Variants in TPP1 observed in about 807,000 individuals in gnomAD.
TPP1 encodes the protein tripeptidyl-peptidase 1.
TPP1 carries 43 observed loss-of-function variants against 67.6 expected under a neutral mutation model. That is an observed-to-expected ratio of 0.64 (90% CI 0.50 to 0.82). TPP1 has a LOEUF of 0.82. TPP1 is among the 40% of genes least tolerant of loss of function. The probability of loss-of-function intolerance (pLI) is 0.00; values close to 1 mark genes in which losing one functional copy is unlikely to be tolerated. For synonymous variants in TPP1, 272 were observed against 281.5 expected, an observed-to-expected ratio of 0.97 and a Z score of 0.34; for missense variants, 671 against 710.9, an observed-to-expected ratio of 0.94 and a Z score of 0.64.
chr11:6,615,740 A>G (rs914379464), intron 9 of TPP1, 178 bp from the exon 10 acceptor site: 45 of 861,390 alleles, frequency 5.2e-5, no homozygotes, highest in Non-Finnish European at 7.1e-5. Flanking sequence ...GTGACTGTGC[A>G]CACTTTTCTC....
rs146608296 is a variant in TPP1 at position 6,618,221 on chromosome 11, C to T, written c.230-445G>A. 2.4e-3 allele frequency: 800 copies of T among 337,634 alleles called. 4 individuals carry two copies. The highest frequency in any genetic ancestry group is 0.016 in the African/African-American group (737 of 46,792). 20.9% of individuals were successfully genotyped at this position (337,634 alleles called of 1,614,324 possible). A position where few individuals can be genotyped will look rare whatever the true frequency, so the allele number is the denominator to read the frequency against. ...TGCCATGCACACTAGTGTCACACTG[C>T]CCCGTCCCCAGCCTCTGCAGTTCAC... On this transcript the variant is annotated intron_variant, in intron 3 of 12. Coordinates refer to ENST00000299427, the MANE Select transcript of TPP1 (RefSeq NM_000391.4).
At chr11:6,617,811 C>G in intron 3 of TPP1, 35 bp from the exon 4 acceptor site, 1 of 1,613,984 alleles carries the variant, frequency 6.2e-7, no homozygotes, top group South Asian at 1.1e-5. Context: ...TGCCCTCATT[C>G]ATTGCTTTCC....
At position 6,613,604 on chromosome 11, in the gene TPP1, G is replaced by A. The variant is rs559030321; in HGVS notation, c.*942C>T. On this transcript the variant is annotated 3_prime_UTR_variant, in exon 13 of 13. Transcript: ENST00000299427. The stretch of plus-strand genomic sequence containing the variant: ...GGTAGTAGCAGTGGGGATATAAGTG[G>A]ATAAGTTCTAGATATACTTGGGAAA... 18 of 152,774 alleles carry A rather than the reference G, an allele frequency of 1.2e-4. No homozygotes were observed. The highest frequency in any genetic ancestry group is 7.8e-4 in the Admixed American group (12 of 15,302). The allele number at this position is 152,774 out of a possible 1,614,324, so 9.5% of individuals were successfully genotyped here.
In TPP1 at chr11:6,617,010, A is replaced by G. The variant is rs763398665; in HGVS notation, c.652T>C (p.Ser218Pro). 5 of 1,614,118 alleles carry G rather than the reference A, an allele frequency of 3.1e-6. No homozygotes were observed. The highest frequency in any genetic ancestry group is 2.2e-5 in the East Asian group (1 of 44,874). ...GCTTGGCTGTTATTGCTGGTGCCAG[A>G]GCCCACGTCTTGTGAGGTCAAGTTG... ...RYNLTSQDVG[S>P]GTSNNSQACA... The change falls in exon 6 of 13, where the codon TCT becomes CCT. Residue 218 changes from serine to proline, a missense_variant. By Grantham distance (74) the Ser-to-Pro change is moderately conservative. Coordinates refer to ENST00000299427, the MANE Select transcript of TPP1 (RefSeq NM_000391.4).
intron 9 of TPP1, 151 bp downstream of exon 9, chr11:6,615,854 G>T: frequency 2.2e-6 from 2 of 917,566 alleles, no homozygotes; most frequent in Non-Finnish European, 3.5e-6. Flanking sequence ...GGGACCTGCA[G>T]GAAGAAGAGA....
chr11:6,619,057 G>T, intron 2 of TPP1, 139 bp downstream of exon 2: 1 of 1,468,288 alleles, frequency 6.8e-7, no homozygotes, highest in Admixed American at 1.9e-5. Context: ...AATGATAGGG[G>T]ACTGAGGCTA....
At chr11:6,615,890 A>C (rs1362731694) in intron 9 of TPP1, 115 bp downstream of exon 9, 3 of 1,254,206 alleles carry the variant, frequency 2.4e-6, no homozygotes, top group Admixed American at 1.8e-5. Context: ...CAGGGCAGGC[A>C]AAGCTTAAGG....
In TPP1 at chr11:6,614,551, G is replaced by A. The variant is rs1207993020; in HGVS notation, c.1687C>T (p.Pro563Ser). 5.6e-6 allele frequency: 9 copies of A among 1,614,070 alleles called. No homozygotes were observed. The highest frequency in any genetic ancestry group is 2.7e-5 in the African/African-American group (2 of 74,914). The change falls in exon 13 of 13, where the codon CCC (proline) becomes TCC (serine). Residue 563 changes from proline to serine, a missense_variant. Pro to Ser is a moderately conservative substitution (Grantham distance 74). Transcript: ENST00000299427. ...TCTCTCCTGATAGGAAAGGGTCAGG[G>A]GTTGAGTAGAGTCTTCAGCAAAGCT... ...FPALLKTLLN[P>S]
Position 6,617,388 on chromosome 11 carries a change from A to G in TPP1, c.421T>C (p.Tyr141His), listed in dbSNP as rs2134595764. 1.2e-6 allele frequency: 2 copies of G among 1,614,174 alleles called. No homozygotes were observed. The highest frequency in any genetic ancestry group is 1.1e-5 in the South Asian group (1 of 91,084). ...LLLPGAEFHHYVGGPTETHVV... is the reference protein window; with the variant it reads ...LLLPGAEFHHHVGGPTETHVV... ...TGGGTTTCCGTAGGTCCTCCCACATAGTGATGAAACTCAGCCCCAGGGAGC... is the reference window on the plus strand; with the variant it reads ...TGGGTTTCCGTAGGTCCTCCCACATGGTGATGAAACTCAGCCCCAGGGAGC... The change falls in exon 5 of 13, where the codon TAT (tyrosine) becomes CAT (histidine). Residue 141 changes from tyrosine (Y) to histidine (H), a missense_variant. Transcript: ENST00000299427.
intron 3 of TPP1, 96 bp from the exon 4 acceptor site, chr11:6,617,872 C>G: frequency 1.9e-6 from 3 of 1,567,944 alleles, no homozygotes; most frequent in Non-Finnish European, 2.6e-6. Context: ...CTTCCCAAAG[C>G]CTGGAACAGG....
In TPP1 at chr11:6,614,015, TGA is replaced by T. The variant is rs1342804088; in HGVS notation, c.*529_*530del. ...CATTCCATGAAGAAGCAGAAATTGATGAGAGAGGAAGACAAGAGTAGTCAGAG... is the reference window on the plus strand; with the variant it reads ...CATTCCATGAAGAAGCAGAAATTGATGAGAGGAAGACAAGAGTAGTCAGAG... On this transcript the variant is annotated 3_prime_UTR_variant, in exon 13 of 13. Coordinates refer to ENST00000299427, the MANE Select transcript of TPP1 (RefSeq NM_000391.4). 2 of 161,484 alleles carry T rather than the reference TGA, an allele frequency of 1.2e-5. No homozygotes were observed. The highest frequency in any genetic ancestry group is 2.4e-5 in the African/African-American group (1 of 41,470). 10.0% of individuals were successfully genotyped at this position (161,484 alleles called of 1,614,324 possible).
chr11:6,618,588 A>G, intron 3 of TPP1, 188 bp downstream of exon 3: 1 of 745,850 alleles, frequency 1.3e-6, no homozygotes, highest in Non-Finnish European at 2.2e-6. Flanking sequence ...GCTAGTAAGT[A>G]GCAGAGTCAG....
At chr11:6,614,766 T>C in intron 12 of TPP1, 80 bp from the exon 13 acceptor site, 2 of 1,613,842 alleles carry the variant, frequency 1.2e-6, no homozygotes, top group South Asian at 2.2e-5. Flanking sequence ...TGTACTCACA[T>C]TTCAAAGGCT....
Position 6,619,376 on chromosome 11 carries a change from T to A in TPP1, c.17+8A>T. ...ATCCCTTTCTCCCGAGCCCTCTCAA[T>A]TTCTCACCAGGCTTGGAGTCCCATT... On this transcript the variant is annotated splice_region_variant and intron_variant, in intron 1 of 12. Transcript: ENST00000299427. The A allele has an allele frequency of 6.2e-7, 1 of 1,614,212 alleles. No individual in the cohort carries two copies. Among genetic ancestry groups the A allele is most frequent in the South Asian group, 1.1e-5 (1 of 91,086 alleles).
intron 12 of TPP1, 49 bp from the exon 13 acceptor site, chr11:6,614,735 A>G (rs770371390): frequency 6.2e-7 from 1 of 1,614,062 alleles, no homozygotes; most frequent in Non-Finnish European, 8.5e-7. Flanking sequence ...ACCAGTACTT[A>G]AAGAGTATAT....
chr11:6,615,642 C>G (rs1855569781), intron 9 of TPP1, 80 bp from the exon 10 acceptor site: 1 of 1,572,786 alleles, frequency 6.4e-7, no homozygotes, highest in African/African-American at 1.4e-5. Context: ...GAGTATAGCC[C>G]AGGTCTTGCT....
At chr11:6,615,084 G>A in intron 11 of TPP1, 87 bp downstream of exon 11, 1 of 1,613,772 alleles carries the variant, frequency 6.2e-7, no homozygotes, top group Non-Finnish European at 8.5e-7. Flanking sequence ...TCTCTAAGGA[G>A]TCAGGGGTTC....
chr11:6,614,720 C>T (rs1855549219), intron 12 of TPP1, 34 bp from the exon 13 acceptor site: 1 of 1,613,994 alleles, frequency 6.2e-7, no homozygotes, highest in South Asian at 1.1e-5. Flanking sequence ...TCTGGGCCTA[C>T]TAGTACCAGT....
At chr11:6,618,341 G>GAGT (rs772859544) in intron 3 of TPP1, 48 of 369,520 alleles carry the variant, frequency 1.3e-4, no homozygotes, top group Non-Finnish European at 2.3e-4. Context: ...CAGAGTGGGG[G>GAGT]AGTACAGTGA....
Sources: gnomAD v4.1 joint callset for allele counts on GRCh38, gnomAD v4.1.1 for gene constraint, MANE v1.5 for transcripts, NCBI Gene and HGNC (gene_info 2026-07-23, HGNC 2026-07-21) for gene names.